Variants in SLC17A1 observed in about 807,000 individuals in gnomAD.
SLC17A1 encodes the protein solute carrier family 17 member 1.
SLC17A1 carries 51 observed loss-of-function variants against 53.5 expected under a neutral mutation model. That is an observed-to-expected ratio of 0.95 (90% CI 0.76 to 1.20). The LOEUF (loss-of-function observed/expected upper bound fraction) is 1.20. SLC17A1 is among the 50% of genes most tolerant of loss of function. The pLI, the probability that SLC17A1 is intolerant of heterozygous loss-of-function variation, is 0.00. For missense variants in SLC17A1, 538 were observed against 568.2 expected, an observed-to-expected ratio of 0.95 and a Z score of 0.54; for synonymous variants, 179 against 198.8, an observed-to-expected ratio of 0.90 and a Z score of 0.84.
chr6:25,789,186 C>T lies in SLC17A1; in HGVS notation c.*3-5968G>A, dbSNP rs1035858134. On this transcript the variant is annotated intron_variant, in intron 12 of 12. Transcript: ENST00000244527. ...ATTTCAGGGCTTGGTCAGGGAAAAA[C>T]TCAAGATGACTCTGGAATTTTGTTT... Among the ~76,000 whole-genome samples, 11 of 152,222 alleles carry T rather than the reference C, an allele frequency of 7.2e-5. No homozygotes were observed. The South Asian group carries it at 8.3e-4, about 11-fold the overall frequency.
intron 6 of SLC17A1, among the ~76,000 whole-genome samples, chr6:25,813,988 T>A (rs1011955771): frequency 2.6e-5 from 4 of 152,244 alleles, no homozygotes; most frequent in Admixed American, 1.3e-4. Flanking sequence ...CTATCATTGA[T>A]GGGCATTTAG....
chr6:25,782,172 G>T (rs1161598508), downstream of SLC17A1, among the ~76,000 whole-genome samples: 2 of 152,140 alleles, frequency 1.3e-5, no homozygotes, highest in African/African-American at 2.4e-5. Context: ...GATCTAGGGA[G>T]GGTCTTATTT....
At chr6:25,739,466 G>C in the SLC17A1 span, among the ~76,000 whole-genome samples, 1 of 152,080 alleles carries the variant, frequency 6.6e-6, no homozygotes, top group Non-Finnish European at 1.5e-5. Flanking sequence ...ATAATGTTAT[G>C]CTCACACAAA....
chr6:25,830,198 T>C (rs1764897056), intron 2 of SLC17A1, among the ~76,000 whole-genome samples: 1 of 152,220 alleles, frequency 6.6e-6, no homozygotes, highest in Non-Finnish European at 1.5e-5. Flanking sequence ...ACATTCATCC[T>C]GCCTTACTTC....
the SLC17A1 span, among the ~76,000 whole-genome samples, chr6:25,724,960 A>C: frequency 1.4e-4 from 21 of 147,378 alleles, no homozygotes; most frequent in Non-Finnish European, 2.7e-4. Flanking sequence ...GCTTCTATAC[A>C]TGCCTTATTA....
intron 1 of SLC17A1, among the ~76,000 whole-genome samples, chr6:25,831,388 A>G (rs895445684): frequency 6.6e-6 from 1 of 152,172 alleles, no homozygotes; most frequent in Non-Finnish European, 1.5e-5. Flanking sequence ...TTTTTGAATA[A>G]GCAATTTGTC....
At chr6:25,825,535 AG>A (rs1446892329) in intron 3 of SLC17A1, among the ~76,000 whole-genome samples, 1 of 151,896 alleles carries the variant, frequency 6.6e-6, no homozygotes, top group Non-Finnish European at 1.5e-5. Flanking sequence ...GTTCCTCTGT[AG>A]GTATTTTCTT....
chr6:25,770,421 A>G, the SLC17A1 span: 1 of 1,614,084 alleles, frequency 6.2e-7, no homozygotes. Flanking sequence ...ATTTGGGTCA[A>G]ATGGGCTCCC....
downstream of SLC17A1, chr6:25,778,949 G>C: frequency 6.9e-7 from 1 of 1,452,244 alleles, no homozygotes; most frequent in South Asian, 1.3e-5. Context: ...GGAAGCCAGA[G>C]TGGAGGTCGG....
At position 25,811,836 on chromosome 6, in the gene SLC17A1, T is replaced by C. The variant is rs1166257539; in HGVS notation, c.898-66A>G. ...AAAGCAGTACTGACACACAGAGTAA[T>C]CCCTATGCTAAAATTTATTATCTAA... On this transcript the variant is annotated intron_variant, in intron 8 of 12. Transcript: ENST00000244527. 4.6e-6 allele frequency: 7 copies of C among 1,532,368 alleles called. No individual in the cohort carries two copies. In the Admixed American group the frequency reaches 1.2e-4, roughly 27 times the overall value. 94.9% of individuals were successfully genotyped at this position (1,532,368 alleles called of 1,614,324 possible).
At chr6:25,811,804 G>A (rs774381629) in intron 8 of SLC17A1, 34 bp from the exon 9 acceptor site, 1 of 1,612,088 alleles carries the variant, frequency 6.2e-7, no homozygotes, top group Non-Finnish European at 8.5e-7. Context: ...GAGTGAGTTT[G>A]ATGGGTAAAG....
intron 6 of SLC17A1, among the ~76,000 whole-genome samples, chr6:25,813,898 C>T (rs1357437694): frequency 2.0e-5 from 3 of 152,216 alleles, no homozygotes; most frequent in Non-Finnish European, 4.4e-5. Context: ...ATCCATTTCC[C>T]TGCAAAGGAC....
At chr6:25,802,074 C>T (rs978834374) in intron 10 of SLC17A1, among the ~76,000 whole-genome samples, 21 of 152,170 alleles carry the variant, frequency 1.4e-4, no homozygotes, top group Non-Finnish European at 1.8e-4. Flanking sequence ...CCACTCATGA[C>T]TTTTGTGAGC....
At chr6:25,765,414 A>C in the SLC17A1 span, among the ~76,000 whole-genome samples, 1 of 152,238 alleles carries the variant, frequency 6.6e-6, no homozygotes, top group East Asian at 1.9e-4. Context: ...AACACATCTT[A>C]ATCATCCAGG....
chr6:25,798,579 C>A, intron 12 of SLC17A1: 1 of 406,848 alleles, frequency 2.5e-6, no homozygotes, highest in Non-Finnish European at 4.2e-6. Flanking sequence ...AGAGGCCCAG[C>A]CTCCCAAATT....
the SLC17A1 span, among the ~76,000 whole-genome samples, chr6:25,742,242 A>G: frequency 6.6e-6 from 1 of 152,204 alleles, no homozygotes; most frequent in African/African-American, 2.4e-5. Flanking sequence ...CAGCCATATC[A>G]GGACTTGACT....
chr6:25,826,641 G>A lies in SLC17A1; in HGVS notation c.35-8C>T. 1 of 1,544,870 alleles carries A rather than the reference G, an allele frequency of 6.5e-7. No individual in the cohort carries two copies. Among genetic ancestry groups the A allele is most frequent in the Non-Finnish European group, 8.8e-7 (1 of 1,140,812 alleles). On this transcript the variant is annotated splice_region_variant and splice_polypyrimidine_tract_variant and intron_variant, in intron 2 of 12. Coordinates refer to ENST00000244527, the MANE Select transcript of SLC17A1 (RefSeq NM_005074.5). ...AGGAACAGAAACCTGGAACTACAAA[G>A]TAAAACAGAAAGTCGCAATTGCTGA...
chr6:25,791,608 G>A (rs1763501929), intron 12 of SLC17A1, among the ~76,000 whole-genome samples: 1 of 152,208 alleles, frequency 6.6e-6, no homozygotes, highest in Admixed American at 6.5e-5. Context: ...AACGTCTACA[G>A]ATGAACAAAA....
chr6:25,807,965 TC>T (rs1764016550), intron 10 of SLC17A1, among the ~76,000 whole-genome samples: 1 of 152,122 alleles, frequency 6.6e-6, no homozygotes, highest in African/African-American at 2.4e-5. Flanking sequence ...TGACTTCTTT[TC>T]CTCTGGGTAG....
Sources: gnomAD v4.1 joint callset for allele counts (sites outside exome capture counted in the v4.1 genomes callset) on GRCh38, gnomAD v4.1.1 for gene constraint, MANE v1.5 for transcripts, NCBI Gene and HGNC (gene_info 2026-07-23, HGNC 2026-07-21) for gene names.